Variants in RRM2B observed in about 807,000 individuals in gnomAD.
The protein encoded by RRM2B is ribonucleoside-diphosphate reductase subunit M2 B.
A neutral mutation model predicts 45.9 loss-of-function variants in RRM2B; 20 were observed. The observed-to-expected ratio is 0.44, with a 90% confidence interval of 0.31 to 0.63. The LOEUF (loss-of-function observed/expected upper bound fraction) is 0.63, where lower values mean the gene tolerates loss of function less well. RRM2B is among the 30% of genes least tolerant of loss of function. RRM2B has a pLI of 0.09. For synonymous variants in RRM2B, 124 were observed against 132.3 expected, an observed-to-expected ratio of 0.94 and a Z score of 0.43; for missense variants, 320 against 414.7, an observed-to-expected ratio of 0.77 and a Z score of 1.98.
chr8:102,211,575 G>A (rs992997843), intron 8 of RRM2B, among the ~76,000 whole-genome samples: 10 of 152,178 alleles, frequency 6.6e-5, no homozygotes, highest in Non-Finnish European at 1.2e-4. Flanking sequence ...GAACATGAAC[G>A]TGTGGATGTG....
chr8:102,227,640 T>C (rs2132557768), intron 2 of RRM2B, among the ~76,000 whole-genome samples: 1 of 152,294 alleles, frequency 6.6e-6, no homozygotes, highest in East Asian at 1.9e-4. Context: ...TAGTCAGTTC[T>C]GGGGGCTATA....
rs60059243 is a variant in RRM2B at position 102,215,944 on chromosome 8, C to CAAAA, written c.685-1790_685-1787dup. 7.2e-3 allele frequency among the ~76,000 whole-genome samples: 548 copies of CAAAA among 75,606 alleles called. 18 individuals are homozygous for CAAAA. Among genetic ancestry groups the CAAAA allele is most frequent in the African/African-American group, 0.029 (504 of 17,236 alleles). 49.6% of individuals were successfully genotyped at this position (75,606 alleles called of 152,430 possible). Reference sequence around the variant, plus strand: ...TGGGTGACAGAGAAAGACCCTGTCTCAAAAAAAAAAAAAAAAAAAAAAGAA... The same window carrying CAAAA: ...TGGGTGACAGAGAAAGACCCTGTCTCAAAAAAAAAAAAAAAAAAAAAAAAAAGAA... On this transcript the variant is annotated intron_variant, in intron 6 of 8. Transcript: ENST00000251810.
Position 102,211,170 on chromosome 8 carries a change from T to C in RRM2B, c.903+1606A>G, listed in dbSNP as rs978271170. On this transcript the variant is annotated intron_variant, in intron 8 of 8. Transcript: ENST00000251810. ...GGGACTACAGGCATGCCACCAGGCC[T>C]GGCTAATTTTTTGTAGGATTTCGCC... Among the ~76,000 whole-genome samples, 3 of 152,134 alleles carry C rather than the reference T, an allele frequency of 2.0e-5. 1 individual carries two copies. The highest frequency in any genetic ancestry group is 2.0e-4 in the Admixed American group (3 of 15,270).
intron 8 of RRM2B, among the ~76,000 whole-genome samples, chr8:102,210,603 C>T (rs566912354): frequency 1.3e-5 from 2 of 152,170 alleles, no homozygotes; most frequent in South Asian, 4.2e-4. Context: ...GCTAGGATTA[C>T]AGGCACCCAC....
intron 2 of RRM2B, among the ~76,000 whole-genome samples, chr8:102,229,731 C>T (rs1810996757): frequency 6.6e-6 from 1 of 151,980 alleles, no homozygotes; most frequent in African/African-American, 2.4e-5. Context: ...ATTACAGGCA[C>T]CTGCTGCCAC....
At chr8:102,223,509 A>G (rs1810870104) in intron 5 of RRM2B, among the ~76,000 whole-genome samples, 1 of 152,094 alleles carries the variant, frequency 6.6e-6, no homozygotes, top group African/African-American at 2.4e-5. Flanking sequence ...TCTGGCCAAC[A>G]TGGCAAAACC....
chr8:102,224,362 G>A (rs565822027), intron 4 of RRM2B, among the ~76,000 whole-genome samples: 1 of 152,176 alleles, frequency 6.6e-6, no homozygotes, highest in Non-Finnish European at 1.5e-5. Context: ...TTTTAGTAGA[G>A]ACGTGGTTTC....
chr8:102,209,545 T>C (rs1328488877), intron 8 of RRM2B, among the ~76,000 whole-genome samples: 1 of 152,180 alleles, frequency 6.6e-6, no homozygotes, highest in African/African-American at 2.4e-5. Context: ...AATATAAAAT[T>C]GTGCAGCTGC....
chr8:102,229,167 C>T (rs1219408938), intron 2 of RRM2B, among the ~76,000 whole-genome samples: 1 of 152,116 alleles, frequency 6.6e-6, no homozygotes, highest in Non-Finnish European at 1.5e-5. Context: ...GCAGGAGAAT[C>T]GCTTGAACCC....
chr8:102,224,409 C>G (rs914574912), intron 4 of RRM2B, among the ~76,000 whole-genome samples: 2 of 152,126 alleles, frequency 1.3e-5, no homozygotes, highest in African/African-American at 4.8e-5. Flanking sequence ...CTCCTGACCT[C>G]GTGATCCACC....
At chr8:102,212,450 C>T (rs1014947447) in intron 8 of RRM2B, among the ~76,000 whole-genome samples, 2 of 152,150 alleles carry the variant, frequency 1.3e-5, no homozygotes, top group East Asian at 1.9e-4. Flanking sequence ...ACAATATAGA[C>T]ACATGGCGAT....
intron 7 of RRM2B, among the ~76,000 whole-genome samples, chr8:102,213,827 G>A (rs1043541297): frequency 2.6e-5 from 4 of 151,904 alleles, no homozygotes; most frequent in Non-Finnish European, 4.4e-5. Context: ...CCTGAAACAG[G>A]TTTTAGTATA....
chr8:102,229,251 CA>C (rs1481067061), intron 2 of RRM2B, among the ~76,000 whole-genome samples: 1 of 151,186 alleles, frequency 6.6e-6, no homozygotes, highest in African/African-American at 2.4e-5. Context: ...AACTCTGTCT[CA>C]AAAACAAAAC....
At chr8:102,235,563 C>T (rs1018068242) in intron 1 of RRM2B, among the ~76,000 whole-genome samples, 2 of 152,192 alleles carry the variant, frequency 1.3e-5, no homozygotes, top group African/African-American at 4.8e-5. Flanking sequence ...AATTCAGGCC[C>T]GGCGTGGTGC....
intron 5 of RRM2B, among the ~76,000 whole-genome samples, chr8:102,220,669 C>T (rs901924397): frequency 6.6e-6 from 1 of 152,164 alleles, no homozygotes; most frequent in African/African-American, 2.4e-5. Context: ...ACTTCTGGCT[C>T]AAGCCATCCT....
intron 2 of RRM2B, among the ~76,000 whole-genome samples, chr8:102,226,509 G>A (rs1810935095): frequency 6.6e-6 from 1 of 151,982 alleles, no homozygotes; most frequent in Admixed American, 6.6e-5. Context: ...AGGGCTAAAA[G>A]GGGAGGGGGG....
At chr8:102,214,787 AAATAG>A (rs1217956839) in intron 6 of RRM2B, among the ~76,000 whole-genome samples, 4 of 149,268 alleles carry the variant, frequency 2.7e-5, no homozygotes, top group Admixed American at 6.6e-5. Context: ...ATAAATAAAT[AAATAG>A]AAGTAAATAA....
intron 6 of RRM2B, among the ~76,000 whole-genome samples, chr8:102,216,637 T>C (rs1412245858): frequency 1.3e-5 from 2 of 152,084 alleles, no homozygotes; most frequent in Admixed American, 1.3e-4. Flanking sequence ...AACCTTAAAA[T>C]AGTGAGAGCA....
At chr8:102,216,941 CAAGT>C (rs1469039934) in intron 6 of RRM2B, among the ~76,000 whole-genome samples, 3 of 151,930 alleles carry the variant, frequency 2.0e-5, no homozygotes, top group South Asian at 2.1e-4. Flanking sequence ...AAAAAATCTG[CAAGT>C]AAGTATGTAT....
Sources: allele counts gnomAD v4.1 joint callset (sites outside exome capture counted in the v4.1 genomes callset), GRCh38; gene constraint gnomAD v4.1.1; transcripts MANE v1.5; gene names NCBI Gene and HGNC (gene_info 2026-07-23, HGNC 2026-07-21).